The following TBC1D4 variants were observed in gnomAD, a reference collection of about 807,000 sequenced individuals.
TBC1D4 encodes the protein TBC1 domain family member 4.
TBC1D4 carries 121 observed loss-of-function variants against 142.5 expected under a neutral mutation model. The ratio of observed to expected loss-of-function variants is 0.85; its 90% CI spans 0.73 to 0.99. The LOEUF (loss-of-function observed/expected upper bound fraction) is 0.99. Among genes scored for constraint, TBC1D4 ranks in the 50% least tolerant of loss-of-function variants. The pLI, the probability that TBC1D4 is intolerant of heterozygous loss-of-function variation, is 0.00. For missense variants in TBC1D4, 1,475 were observed against 1,606.6 expected, an observed-to-expected ratio of 0.92 and a Z score of 1.40; for synonymous variants, 630 against 628.2, an observed-to-expected ratio of 1.00 and a Z score of -0.04.
intron 1 of TBC1D4, among the ~76,000 whole-genome samples, chr13:75,443,121 C>G (rs1027287241): frequency 6.6e-6 from 1 of 152,224 alleles, no homozygotes; most frequent in African/African-American, 2.4e-5. Context: ...AGGCCCCCAG[C>G]TGGATGCAGC....
intron 13 of TBC1D4, among the ~76,000 whole-genome samples, chr13:75,312,416 G>GAAAA (rs762306467): frequency 1.0e-4 from 13 of 125,742 alleles, no homozygotes; most frequent in African/African-American, 3.7e-4. Context: ...CAATCTCTGG[G>GAAAA]AAAAAAAAAA....
chr13:75,285,559 G>A lies in TBC1D4; in HGVS notation c.*1233C>T, dbSNP rs1383285155. On this transcript the variant is annotated 3_prime_UTR_variant, in exon 21 of 21. Transcript: ENST00000377636. ...TCATCTAATGAGCTATTTGTAGGCT[G>A]AGGAAGTGAAGAGTTGAAATGCAGA... 1 of 152,662 alleles carries A rather than the reference G, an allele frequency of 6.6e-6. No individual in the cohort carries two copies. The highest frequency in any genetic ancestry group is 1.5e-5 in the Non-Finnish European group (1 of 68,036). 9.5% of individuals were successfully genotyped at this position (152,662 alleles called of 1,614,324 possible). A position where few individuals can be genotyped will look rare whatever the true frequency, so the allele number is the denominator to read the frequency against.
intron 1 of TBC1D4, among the ~76,000 whole-genome samples, chr13:75,463,773 A>G (rs769602039): frequency 1.8e-4 from 28 of 152,182 alleles, no homozygotes; most frequent in Non-Finnish European, 3.8e-4. Flanking sequence ...TAGAAATAAG[A>G]ACTCCTGATT....
At chr13:75,421,404 G>A (rs1225983591) in intron 1 of TBC1D4, among the ~76,000 whole-genome samples, 1 of 152,160 alleles carries the variant, frequency 6.6e-6, no homozygotes, top group Admixed American at 6.5e-5. Flanking sequence ...TTGAAGACAG[G>A]CATTAGGTCA....
intron 4 of TBC1D4, among the ~76,000 whole-genome samples, chr13:75,354,032 T>G (rs1881832826): frequency 6.6e-6 from 1 of 152,082 alleles, no homozygotes; most frequent in African/African-American, 2.4e-5. Flanking sequence ...AACCAACACG[T>G]GTGGGTTTCA....
chr13:75,376,161 C>G (rs1201732029), intron 1 of TBC1D4: 1 of 152,044 alleles, frequency 6.6e-6, no homozygotes, highest in Non-Finnish European at 1.5e-5. Flanking sequence ...AAAAGTAAGG[C>G]TGAACTAGGT....
At chr13:75,445,953 T>G (rs1887266968) in intron 1 of TBC1D4, among the ~76,000 whole-genome samples, 1 of 152,238 alleles carries the variant, frequency 6.6e-6, no homozygotes, top group African/African-American at 2.4e-5. Flanking sequence ...TATGTGCTGG[T>G]ATTCTCTGAA....
Position 75,442,524 on chromosome 13 carries a change from A to G in TBC1D4, c.498+38746T>C, listed in dbSNP as rs1201906889. Among the ~76,000 whole-genome samples the G allele has an allele frequency of 3.3e-5, 5 of 151,244 alleles. No homozygotes were observed. In the East Asian group the frequency reaches 5.8e-4, roughly 18 times the overall value. The stretch of plus-strand genomic sequence containing the variant: ...TTGAGTGTCAGGGATTTGGTAGGGG[A>G]AAAAAAAACATTCTGGGAGGCCGAG... On this transcript the variant is annotated intron_variant, in intron 1 of 20. Coordinates refer to ENST00000377636, the MANE Select transcript of TBC1D4 (RefSeq NM_014832.5).
intron 1 of TBC1D4, among the ~76,000 whole-genome samples, chr13:75,427,663 C>A (rs1886433711): frequency 6.6e-6 from 1 of 152,202 alleles, no homozygotes; most frequent in African/African-American, 2.4e-5. Context: ...GCACTTGCCC[C>A]AATACTCACG....
chr13:75,481,138 G>T lies in TBC1D4; in HGVS notation c.498+132C>A, dbSNP rs1167253377. 8.8e-6 allele frequency: 12 copies of T among 1,368,482 alleles called. No individual in the cohort carries two copies. The South Asian group carries it at 1.8e-4, about 21-fold the overall frequency. 84.8% of individuals were successfully genotyped at this position (1,368,482 alleles called of 1,614,324 possible). A position where few individuals can be genotyped will look rare whatever the true frequency, so the allele number is the denominator to read the frequency against. On this transcript the variant is annotated intron_variant, in intron 1 of 20. Coordinates refer to ENST00000377636, the MANE Select transcript of TBC1D4 (RefSeq NM_014832.5). ...GGAAGGGGCCAGCCGGCGCTTGAGCGCGCCACGTGGAGCGCGCGCGCCTGC... is the reference window on the plus strand; with the variant it reads ...GGAAGGGGCCAGCCGGCGCTTGAGCTCGCCACGTGGAGCGCGCGCGCCTGC...
intron 1 of TBC1D4, among the ~76,000 whole-genome samples, chr13:75,374,465 C>G (rs1276545650): frequency 6.6e-6 from 1 of 152,110 alleles, no homozygotes; most frequent in Admixed American, 6.6e-5. Context: ...ATTTGTGACA[C>G]TAAAGTATTT....
At chr13:75,325,366 T>C (rs1879137485) in intron 10 of TBC1D4, among the ~76,000 whole-genome samples, 1 of 151,886 alleles carries the variant, frequency 6.6e-6, no homozygotes, top group African/African-American at 2.4e-5. Context: ...AGGCAAATTT[T>C]GTAACACACG....
chr13:75,287,990 G>GC (rs2137819542), intron 20 of TBC1D4, among the ~76,000 whole-genome samples: 1 of 152,218 alleles, frequency 6.6e-6, no homozygotes, highest in South Asian at 2.1e-4. Flanking sequence ...TCACTCTTAA[G>GC]CCCCTCCCCT....
At chr13:75,347,014 C>A (rs759643938) in intron 5 of TBC1D4, among the ~76,000 whole-genome samples, 2 of 152,118 alleles carry the variant, frequency 1.3e-5, no homozygotes, top group East Asian at 3.9e-4. Context: ...TTAAATGTCA[C>A]CTTCTGTACT....
intron 1 of TBC1D4, among the ~76,000 whole-genome samples, chr13:75,406,391 T>C (rs7995247): frequency 0.034 from 5,148 of 152,328 alleles, 297 homozygotes; most frequent in African/African-American, 0.12. Flanking sequence ...CTTCTTCTAA[T>C]TAAAGCATTG....
intron 8 of TBC1D4, among the ~76,000 whole-genome samples, chr13:75,329,283 T>C (rs183836755): frequency 7.9e-5 from 12 of 152,296 alleles, no homozygotes; most frequent in African/African-American, 2.9e-4. Flanking sequence ...TTATATATTT[T>C]GTTTTTCATG....
At position 75,468,665 on chromosome 13, in the gene TBC1D4, G is replaced by A. The variant is rs922218373; in HGVS notation, c.498+12605C>T. On this transcript the variant is annotated intron_variant, in intron 1 of 20. Coordinates refer to ENST00000377636, the MANE Select transcript of TBC1D4 (RefSeq NM_014832.5). ...ATAAGTAGCCATAACAAAAAATATC[G>A]TGCAAACAGAATACAATCACCACTT... is the stretch of plus-strand genomic sequence containing the variant. 8.5e-5 allele frequency among the ~76,000 whole-genome samples: 13 copies of A among 152,112 alleles called. No individual in the cohort carries two copies. In the East Asian group the frequency reaches 1.2e-3, roughly 14 times the overall value.
chr13:75,393,753 G>A lies in TBC1D4; in HGVS notation c.499-31146C>T, dbSNP rs766265021. Among the ~76,000 whole-genome samples the A allele has an allele frequency of 1.1e-4, 16 of 152,068 alleles. No homozygotes were observed. The Middle Eastern group carries it at 9.5e-3, about 90-fold the overall frequency. On this transcript the variant is annotated intron_variant, in intron 1 of 20. Coordinates refer to ENST00000377636, the MANE Select transcript of TBC1D4 (RefSeq NM_014832.5). ...TCGCGACCAGCCTGACCAACCCGGA[G>A]AAACCCCAACTCTACTAAAAATACA...
Position 75,341,487 on chromosome 13 carries a change from T to A in TBC1D4, c.1500+9A>T. 1 of 1,612,692 alleles carries A rather than the reference T, an allele frequency of 6.2e-7. No homozygotes were observed. The highest frequency in any genetic ancestry group is 8.5e-7 in the Non-Finnish European group (1 of 1,178,814). ...ATGTCTTATTTATGAGACCTACAAATAATGTTACCTGAACTCTTTCAAAGA... is the reference window on the plus strand; with the variant it reads ...ATGTCTTATTTATGAGACCTACAAAAAATGTTACCTGAACTCTTTCAAAGA... On this transcript the variant is annotated intron_variant, in intron 6 of 20. Transcript: ENST00000377636.
Sources: gnomAD v4.1 joint callset for allele counts (sites outside exome capture counted in the v4.1 genomes callset) on GRCh38, gnomAD v4.1.1 for gene constraint, MANE v1.5 for transcripts, NCBI Gene and HGNC (gene_info 2026-07-23, HGNC 2026-07-21) for gene names.